DLGAP1: variants seen among roughly 807,000 people sequenced by gnomAD.
DLGAP1 encodes the protein DLG associated protein 1.
A neutral mutation model predicts 90.8 loss-of-function variants in DLGAP1; 11 were observed. That is an observed-to-expected ratio of 0.12 (90% CI 0.08 to 0.20). The LOEUF (loss-of-function observed/expected upper bound fraction) is 0.20. Among genes scored for constraint, DLGAP1 ranks in the 10% least tolerant of loss-of-function variants. The pLI is 1.00. For synonymous variants in DLGAP1, 558 were observed against 540.7 expected (o/e 1.03, Z -0.44); for missense variants, 1,050 against 1,333.8 (o/e 0.79, Z 3.31).
intron 2 of DLGAP1, among the ~76,000 whole-genome samples, chr18:4,019,538 T>C (rs1277941622): frequency 6.6e-6 from 1 of 152,194 alleles, no homozygotes; most frequent in Non-Finnish European, 1.5e-5. Flanking sequence ...AACTCTTCAA[T>C]GTCTTTGGGG....
intron 2 of DLGAP1, among the ~76,000 whole-genome samples, chr18:4,117,716 CT>C (rs2076085368): frequency 6.6e-6 from 1 of 152,194 alleles, no homozygotes; most frequent in Admixed American, 6.5e-5. Flanking sequence ...GATTTTTCTT[CT>C]CCCATCACTC....
chr18:4,376,782 A>C (rs952301245), intron 1 of DLGAP1, among the ~76,000 whole-genome samples: 1 of 152,142 alleles, frequency 6.6e-6, no homozygotes, highest in Non-Finnish European at 1.5e-5. Context: ...ATTTTATTTA[A>C]CAGATTCATC....
intron 1 of DLGAP1, among the ~76,000 whole-genome samples, chr18:4,382,858 T>C (rs1297072298): frequency 6.6e-6 from 1 of 152,186 alleles, no homozygotes; most frequent in African/African-American, 2.4e-5. Flanking sequence ...CCTGAAGTTG[T>C]TTAAATCAAA....
At chr18:3,987,900 C>T (rs2073874680) in intron 3 of DLGAP1, among the ~76,000 whole-genome samples, 1 of 152,038 alleles carries the variant, frequency 6.6e-6, no homozygotes. Context: ...GGTGCCCAAC[C>T]TTTTTGGCAC....
intron 1 of DLGAP1, among the ~76,000 whole-genome samples, chr18:4,421,518 T>C (rs1452815903): frequency 6.6e-6 from 1 of 152,172 alleles, no homozygotes; most frequent in East Asian, 1.9e-4. Flanking sequence ...AGGGGATTAC[T>C]ATTCAGCCTA....
chr18:3,797,249 C>T (rs531998638), intron 5 of DLGAP1, among the ~76,000 whole-genome samples: 2 of 152,074 alleles, frequency 1.3e-5, no homozygotes, highest in South Asian at 2.1e-4. Context: ...TTGCTTTAAC[C>T]CGGGAGGCAG....
At chr18:3,812,474 C>T (rs752904909) in intron 5 of DLGAP1, among the ~76,000 whole-genome samples, 1 of 151,674 alleles carries the variant, frequency 6.6e-6, no homozygotes, top group Non-Finnish European at 1.5e-5. Flanking sequence ...TGAATGTGAC[C>T]TTATCTGGAA....
rs1004442967 is a variant in DLGAP1, at chr18:4,340,623, A to AC, written c.-267+114382_-267+114383insG. On this transcript the variant is annotated intron_variant, in intron 1 of 12. Transcript: ENST00000315677. The stretch of plus-strand genomic sequence containing the variant: ...GTAAATTGTTGTTATTAAGAAAAAA[A>AC]AAACCCAAAAAACTATAGTTGAAGA... Among the ~76,000 whole-genome samples the AC allele has an allele frequency of 2.0e-4, 30 of 152,248 alleles. 1 individual carries two copies. The highest frequency in any genetic ancestry group is 6.7e-4 in the African/African-American group (28 of 41,558).
chr18:4,379,312 C>T (rs1257882979), intron 1 of DLGAP1, among the ~76,000 whole-genome samples: 4 of 152,088 alleles, frequency 2.6e-5, no homozygotes, highest in Admixed American at 6.6e-5. Flanking sequence ...TTTAGCTCTA[C>T]TCCCAAGAAA....
intron 2 of DLGAP1, among the ~76,000 whole-genome samples, chr18:4,017,953 C>T (rs1160596520): frequency 1.3e-5 from 2 of 152,100 alleles, no homozygotes; most frequent in African/African-American, 2.4e-5. Context: ...TCAAAAGATA[C>T]TAGCAGACAG....
chr18:3,523,687 A>C (rs1001551310), intron 10 of DLGAP1, among the ~76,000 whole-genome samples: 5 of 152,038 alleles, frequency 3.3e-5, no homozygotes, highest in African/African-American at 7.3e-5. Context: ...CTCTACTAAA[A>C]ATACAAAAAA....
chr18:3,635,256 G>A (rs1787811), intron 7 of DLGAP1, among the ~76,000 whole-genome samples: 1,598 of 151,684 alleles, frequency 0.011, 18 homozygotes, highest in African/African-American at 0.036. Context: ...TCAGCCTCCC[G>A]AGTAGCTGGG....
intron 7 of DLGAP1, among the ~76,000 whole-genome samples, chr18:3,725,584 T>C (rs1456202085): frequency 1.3e-5 from 2 of 152,210 alleles, no homozygotes; most frequent in African/African-American, 4.8e-5. Flanking sequence ...ACTGCTCTAA[T>C]ATTTCCTCCT....
At chr18:3,776,803 AATTTT>A (rs1301688652) in intron 5 of DLGAP1, among the ~76,000 whole-genome samples, 69 of 152,184 alleles carry the variant, frequency 4.5e-4, no homozygotes, top group Admixed American at 2.0e-4. Context: ...TTAATTAATT[AATTTT>A]GAGACAAGTT....
At chr18:4,157,177 G>A (rs950674568) in intron 1 of DLGAP1, among the ~76,000 whole-genome samples, 5 of 151,874 alleles carry the variant, frequency 3.3e-5, no homozygotes, top group African/African-American at 9.7e-5. Context: ...CTGGGTGCTT[G>A]TCTTTGCACT....
At chr18:3,927,560 T>A (rs958877307) in intron 3 of DLGAP1, among the ~76,000 whole-genome samples, 16 of 152,220 alleles carry the variant, frequency 1.1e-4, no homozygotes, top group Non-Finnish European at 2.1e-4. Flanking sequence ...GCTAAATAAA[T>A]TTTTATCGTA....
chr18:3,663,330 A>T (rs753713640), intron 7 of DLGAP1, among the ~76,000 whole-genome samples: 2 of 152,142 alleles, frequency 1.3e-5, no homozygotes, highest in Non-Finnish European at 2.9e-5. Flanking sequence ...TGAAGTCTTT[A>T]GAAGGGGTGA....
chr18:4,328,635 A>G (rs964606221), intron 1 of DLGAP1, among the ~76,000 whole-genome samples: 7 of 151,998 alleles, frequency 4.6e-5, no homozygotes, highest in Non-Finnish European at 1.0e-4. Context: ...ATTTTCCAGT[A>G]AGTTGTACCA....
In DLGAP1 at chr18:3,849,897, C is replaced by T. The variant is rs530129632; in HGVS notation, c.957+29215G>A. ...GCTGAGAGGGTAATGACAGCATTAA[C>T]TGCGATTAGCAAAACACTTGAAACC... On this transcript the variant is annotated intron_variant, in intron 4 of 12. Transcript: ENST00000315677. Among the ~76,000 whole-genome samples the T allele has an allele frequency of 7.9e-4, 120 of 152,270 alleles. 3 individuals are homozygous for T. The South Asian group carries it at 0.023, about 29-fold the overall frequency.
Sources: allele counts gnomAD v4.1 joint callset (sites outside exome capture counted in the v4.1 genomes callset), GRCh38; gene constraint gnomAD v4.1.1; transcripts MANE v1.5; gene names NCBI Gene and HGNC (gene_info 2026-07-23, HGNC 2026-07-21).